The following EIF3I variants were observed in gnomAD, a reference collection of about 807,000 sequenced individuals.
EIF3I encodes the protein TGF-beta receptor-interacting protein 1.
In EIF3I, 20 loss-of-function variants were observed where a neutral mutation model predicts 43.3. The ratio of observed to expected loss-of-function variants is 0.46; its 90% CI spans 0.32 to 0.67. The LOEUF is 0.67. EIF3I is among the 30% of genes least tolerant of loss of function. EIF3I has a pLI of 0.03. For missense variants in EIF3I, 279 were observed against 421.4 expected (o/e 0.66, Z 2.96); for synonymous variants, 167 against 151.7 (o/e 1.10, Z -0.74).
chr1:32,233,719 C>T (rs531616175), downstream of EIF3I, among the ~76,000 whole-genome samples: 11 of 152,318 alleles, frequency 7.2e-5, no homozygotes, highest in African/African-American at 2.6e-4. Context: ...CTGCTTTCAA[C>T]CTCTGTTCTA....
At chr1:32,230,855 T>C (rs906656566) in intron 10 of EIF3I, 72 bp from the exon 10 acceptor site, 230 of 1,070,414 alleles carry the variant, frequency 2.1e-4, no homozygotes, top group Non-Finnish European at 2.2e-4. Flanking sequence ...CAATTTGCAT[T>C]TGGGGAGTGC....
chr1:32,223,831 C>A (rs575641041), intron 2 of EIF3I, among the ~76,000 whole-genome samples: 1 of 152,292 alleles, frequency 6.6e-6, no homozygotes, highest in Non-Finnish European at 1.5e-5. Context: ...CTTTACAAGC[C>A]GCCTGACTCC....
chr1:32,226,824 C>CCT (rs1557555148), intron 6 of EIF3I, among the ~76,000 whole-genome samples: 61 of 78,636 alleles, frequency 7.8e-4, no homozygotes, highest in African/African-American at 3.1e-3. Flanking sequence ...CCGCTCGTGG[C>CCT]TTTTTTTTTT....
chr1:32,227,898 C>G (rs1639171566), intron 6 of EIF3I, among the ~76,000 whole-genome samples: 1 of 152,240 alleles, frequency 6.6e-6, no homozygotes, highest in African/African-American at 2.4e-5. Context: ...CAGTCCCTTC[C>G]CCCATGGGGA....
At chr1:32,226,125 C>T (rs1330529899) in intron 4 of EIF3I, 46 bp from the exon 5 acceptor site, 3 of 1,599,278 alleles carry the variant, frequency 1.9e-6, no homozygotes, top group East Asian at 2.2e-5. Flanking sequence ...AATGTCCTCC[C>T]TGCAATTGCA....
downstream of EIF3I, chr1:32,234,999 T>A (rs926900839): frequency 5.2e-5 from 8 of 152,940 alleles, no homozygotes; most frequent in African/African-American, 1.9e-4. Context: ...GTGCCTGCTT[T>A]ACATGTTACA....
At chr1:32,234,700 T>G (rs1639278250), downstream of EIF3I, 1 of 152,486 alleles carries the variant, frequency 6.6e-6, no homozygotes, top group Non-Finnish European at 1.5e-5. Context: ...GGGTGGTCAC[T>G]TACTTTCCTG....
chr1:32,229,113 TAG>T lies in EIF3I; in HGVS notation c.730-19_730-18del. 1.2e-6 allele frequency: 2 copies of T among 1,607,296 alleles called. No homozygotes were observed. Among genetic ancestry groups the T allele is most frequent in the South Asian group, 1.1e-5 (1 of 90,116 alleles). Reference sequence around the variant, plus strand: ...GGACTTGGTGTCCATTGGTCCCATCTAGAGTTTCTTCTTCCATTCAGGTGGTC... The same window carrying T: ...GGACTTGGTGTCCATTGGTCCCATCTAGTTTCTTCTTCCATTCAGGTGGTC... On this transcript the variant is annotated intron_variant, in intron 8 of 11. Coordinates refer to ENST00000676679, the Ensembl canonical transcript of EIF3I.
At chr1:32,228,509 T>C (rs766675880) in exon 7 of EIF3I, 2 of 1,613,616 alleles carry the variant, frequency 1.2e-6, no homozygotes, top group Non-Finnish European at 8.5e-7. Context: ...TCTGGAGAGG[T>C]GTTGGTGAAT....
chr1:32,224,485 G>T lies in EIF3I; in HGVS notation c.250+10G>T, dbSNP rs765035672. 3.1e-6 allele frequency: 5 copies of T among 1,611,688 alleles called. No individual in the cohort carries two copies. The Admixed American group carries it at 8.3e-5, about 27-fold the overall frequency. The stretch of plus-strand genomic sequence containing the variant: ...TGGGACTGTGAAACAGGTAAGCTGG[G>T]TTCATTCACCTTTTTAGCAAATATT... On this transcript the variant is annotated intron_variant, in intron 4 of 11. Transcript: ENST00000676679.
At chr1:32,224,054 T>C in exon 3 of EIF3I, 2 of 1,614,142 alleles carry the variant, frequency 1.2e-6, no homozygotes, top group Non-Finnish European at 1.7e-6. Context: ...TATGGTACTC[T>C]GTGAATGGTG....
downstream of EIF3I, among the ~76,000 whole-genome samples, chr1:32,235,830 A>C (rs1480285318): frequency 6.6e-6 from 1 of 152,214 alleles, no homozygotes; most frequent in Non-Finnish European, 1.5e-5. Flanking sequence ...CCGGTCTGAC[A>C]AGAAAAACAC....
chr1:32,229,242 C>G, intron 9 of EIF3I, 34 bp downstream of exon 9: 1 of 1,602,300 alleles, frequency 6.2e-7, no homozygotes, highest in Non-Finnish European at 8.5e-7. Context: ...AAATTAAAAT[C>G]TCATGTGGTG....
intron 4 of EIF3I, 44 bp from the exon 5 acceptor site, chr1:32,226,127 G>A: frequency 1.3e-6 from 2 of 1,599,848 alleles, no homozygotes; most frequent in Non-Finnish European, 1.7e-6. Flanking sequence ...TGTCCTCCCT[G>A]CAATTGCAAT....
chr1:32,230,805 CAG>C (rs1200785194), intron 10 of EIF3I, 120 bp from the exon 10 acceptor site: 6 of 724,092 alleles, frequency 8.3e-6, no homozygotes, highest in Middle Eastern at 3.9e-4. Flanking sequence ...CCCTGGGTGA[CAG>C]AGTAAGACTC....
At position 32,228,684 on chromosome 1, in the gene EIF3I, A is replaced by G. The variant is rs376618800; in HGVS notation, c.640-43A>G. 33 of 1,589,842 alleles carry G rather than the reference A, an allele frequency of 2.1e-5. No homozygotes were observed. The African/African-American group carries it at 3.5e-4, about 17-fold the overall frequency. On this transcript the variant is annotated intron_variant, in intron 7 of 11. Transcript: ENST00000676679. ...CAGCTCACCCTGCCCGACTTCCCCC[A>G]GGAAAGCTCTTTACAGATTTCCCCC...
At chr1:32,222,707 C>G (rs945169174) in intron 2 of EIF3I, 77 bp downstream of exon 2, 2 of 1,459,410 alleles carry the variant, frequency 1.4e-6, no homozygotes, top group African/African-American at 2.8e-5. Context: ...CCAGTTTTGC[C>G]GTTAGCGGGG....
downstream of EIF3I, chr1:32,234,839 G>A (rs1248950230): frequency 6.6e-6 from 1 of 152,318 alleles, no homozygotes; most frequent in Admixed American, 6.5e-5. Flanking sequence ...ACCAGGCCAG[G>A]AATAGAATGG....
exon 3 of EIF3I, chr1:32,224,113 A>T (rs181133737): frequency 8.7e-6 from 14 of 1,614,086 alleles, no homozygotes; most frequent in African/African-American, 1.3e-5. Flanking sequence ...TGGTGTGTGG[A>T]CGCTGACTGT....
Sources: allele counts gnomAD v4.1 joint callset (sites outside exome capture counted in the v4.1 genomes callset), GRCh38; gene constraint gnomAD v4.1.1; transcripts MANE v1.5; gene names NCBI Gene and HGNC (gene_info 2026-07-23, HGNC 2026-07-21).